CLIC5: variants seen among roughly 807,000 people sequenced by gnomAD.
CLIC5 encodes the protein CLIC family member 5.
CLIC5 carries 20 observed loss-of-function variants against 24.7 expected under a neutral mutation model. The ratio of observed to expected loss-of-function variants is 0.81; its 90% CI spans 0.57 to 1.18. CLIC5 has a LOEUF of 1.18. Ranked by LOEUF, CLIC5 falls within the 50% of genes most tolerant of loss-of-function variation. The pLI, the probability that CLIC5 is intolerant of heterozygous loss-of-function variation, is 0.00. For missense variants in CLIC5, 341 were observed against 326.1 expected, an observed-to-expected ratio of 1.05 and a Z score of -0.35; for synonymous variants, 159 against 135.6, an observed-to-expected ratio of 1.17 and a Z score of -1.20.
chr6:46,071,101 A>T (rs1433513357), intron 1 of CLIC5, among the ~76,000 whole-genome samples: 1 of 152,164 alleles, frequency 6.6e-6, no homozygotes, highest in Non-Finnish European at 1.5e-5. Flanking sequence ...ATTTAAATGT[A>T]AAGCCCAGAA....
chr6:45,912,659 T>A, intron 5 of CLIC5: 1 of 1,532,498 alleles, frequency 6.5e-7, no homozygotes, highest in Non-Finnish European at 8.7e-7. Context: ...GGAACTCGGG[T>A]CTCCTGATCT....
At chr6:46,031,663 A>G (rs976886978) in intron 1 of CLIC5, among the ~76,000 whole-genome samples, 1 of 152,016 alleles carries the variant, frequency 6.6e-6, no homozygotes, top group African/African-American at 2.4e-5. Context: ...TAAGTGAGCA[A>G]AGGATGTATG....
At chr6:45,985,358 G>C (rs1387524336) in intron 1 of CLIC5, among the ~76,000 whole-genome samples, 7 of 152,188 alleles carry the variant, frequency 4.6e-5, no homozygotes, top group African/African-American at 9.6e-5. Context: ...TCTAAAAGTT[G>C]CTGTGCCATT....
intron 1 of CLIC5, among the ~76,000 whole-genome samples, chr6:46,037,809 G>A (rs557563883): frequency 3.3e-5 from 5 of 152,206 alleles, no homozygotes; most frequent in East Asian, 3.9e-4. Context: ...TGGTAATTGC[G>A]GGCTAACTGA....
At chr6:45,927,683 C>T (rs1196622966) in intron 4 of CLIC5, among the ~76,000 whole-genome samples, 1 of 152,174 alleles carries the variant, frequency 6.6e-6, no homozygotes, top group East Asian at 1.9e-4. Context: ...TGCTATCCCC[C>T]GAAGTTGCTG....
chr6:45,988,836 A>C (rs1339333642), intron 1 of CLIC5, among the ~76,000 whole-genome samples: 1 of 152,234 alleles, frequency 6.6e-6, no homozygotes, highest in East Asian at 1.9e-4. Flanking sequence ...AGGTCAAGAC[A>C]AATGGGGTTT....
chr6:46,068,676 A>C (rs977264277), intron 1 of CLIC5, among the ~76,000 whole-genome samples: 15 of 152,158 alleles, frequency 9.9e-5, no homozygotes, highest in African/African-American at 3.6e-4. Context: ...TTAAGTTAAA[A>C]TGAGGTCATT....
chr6:45,912,267 G>C (rs1762849480), intron 5 of CLIC5: 1 of 993,448 alleles, frequency 1.0e-6, no homozygotes, highest in African/African-American at 1.7e-5. Flanking sequence ...AAAGAGATAG[G>C]GGCCAAGGGC....
the CLIC5 span, among the ~76,000 whole-genome samples, chr6:46,119,566 AG>A: frequency 6.6e-6 from 1 of 152,202 alleles, no homozygotes; most frequent in Admixed American, 6.5e-5. Flanking sequence ...CATCTCACTG[AG>A]GCTTGTCGGA....
At chr6:45,954,188 GC>G (rs1764562807) in intron 2 of CLIC5, among the ~76,000 whole-genome samples, 2 of 148,666 alleles carry the variant, frequency 1.3e-5, no homozygotes, top group Admixed American at 1.4e-4. Flanking sequence ...GCAGAGAATT[GC>G]TTAAACCCAG....
At chr6:46,095,436 A>G in the CLIC5 span, among the ~76,000 whole-genome samples, 1 of 152,272 alleles carries the variant, frequency 6.6e-6, no homozygotes, top group East Asian at 1.9e-4. Context: ...TTGCTCATGT[A>G]TATGAACATA....
intron 1 of CLIC5, among the ~76,000 whole-genome samples, chr6:46,063,102 G>GT (rs753408350): frequency 2.0e-5 from 3 of 152,286 alleles, no homozygotes; most frequent in Non-Finnish European, 1.5e-5. Context: ...TCAGAAAGGA[G>GT]TTTTTTGTCA....
chr6:45,898,372 A>G (rs1201403395), downstream of CLIC5: 2 of 113,500 alleles, frequency 1.8e-5, no homozygotes, highest in African/African-American at 1.1e-4. Flanking sequence ...CTTTATGTGG[A>G]AAAAAAAAAG....
At chr6:45,937,357 T>G (rs529258529) in intron 4 of CLIC5, 1 of 152,222 alleles carries the variant, frequency 6.6e-6, no homozygotes, top group Non-Finnish European at 1.5e-5. Flanking sequence ...CGCTGAGTTA[T>G]AAAATAGATG....
chr6:46,081,382 C>A (rs749287623), upstream of CLIC5, among the ~76,000 whole-genome samples: 23 of 152,206 alleles, frequency 1.5e-4, no homozygotes, highest in South Asian at 8.3e-4. Context: ...TGAAGCAATG[C>A]AACTCCTGTT....
intron 1 of CLIC5, among the ~76,000 whole-genome samples, chr6:46,006,654 C>T (rs937140076): frequency 4.0e-5 from 6 of 151,742 alleles, no homozygotes; most frequent in Non-Finnish European, 7.4e-5. Context: ...CTCATTCCTC[C>T]CTCTCAAATG....
chr6:45,894,504 G>A (rs1163965883), downstream of CLIC5, among the ~76,000 whole-genome samples: 1 of 152,040 alleles, frequency 6.6e-6, no homozygotes, highest in Non-Finnish European at 1.5e-5. Context: ...ATGAAAAAGG[G>A]CATGGAAAGA....
At chr6:46,044,357 A>G (rs759295475) in intron 1 of CLIC5, among the ~76,000 whole-genome samples, 4 of 152,198 alleles carry the variant, frequency 2.6e-5, no homozygotes, top group East Asian at 1.9e-4. Flanking sequence ...GAGGGTACAT[A>G]AAGAGGGGAG....
intron 1 of CLIC5, among the ~76,000 whole-genome samples, chr6:46,021,474 C>T (rs994428520): frequency 1.2e-4 from 18 of 152,138 alleles, no homozygotes; most frequent in African/African-American, 9.7e-5. Context: ...AACCTTGGTA[C>T]ATAAATTTTT....
Sources: allele counts gnomAD v4.1 joint callset (sites outside exome capture counted in the v4.1 genomes callset), GRCh38; gene constraint gnomAD v4.1.1; transcripts MANE v1.5; gene names NCBI Gene and HGNC (gene_info 2026-07-23, HGNC 2026-07-21).